The following UQCR11 variants were observed in gnomAD, a reference collection of about 807,000 sequenced individuals.
The protein encoded by UQCR11 is cytochrome b-c1 complex subunit 10.
Under a neutral mutation model 7.6 loss-of-function variants are expected in UQCR11, and 10 were observed. That is an observed-to-expected ratio of 1.31 (90% CI 0.81 to 2.22). The LOEUF (loss-of-function observed/expected upper bound fraction) is 2.22. UQCR11 is among the 30% of genes most tolerant of loss of function. UQCR11 has a pLI of 0.00. For synonymous variants in UQCR11, 34 were observed against 34.9 expected (o/e 0.97, Z 0.09); for missense variants, 86 against 75.1 (o/e 1.15, Z -0.54).
intron 1 of UQCR11, among the ~76,000 whole-genome samples, chr19:1,604,502 C>T (rs2060756015): frequency 6.6e-6 from 1 of 152,090 alleles, no homozygotes; most frequent in African/African-American, 2.4e-5. Context: ...GGAGCCACTG[C>T]ACCCGGCTAA....
rs1465717858 is a variant in UQCR11, at chr19:1,598,025, C to T, written c.*219G>A. ...ACAGTCACAGTAACCAAGCCACCAG[C>T]ATGATCAACATCCGGGCACGGAGCA... On this transcript the variant is annotated 3_prime_UTR_variant, in exon 3 of 3. Coordinates refer to ENST00000591899, the MANE Select transcript of UQCR11 (RefSeq NM_006830.4). 1.3e-5 allele frequency: 2 copies of T among 152,256 alleles called. No individual in the cohort carries two copies. The highest frequency in any genetic ancestry group is 4.8e-5 in the African/African-American group (2 of 41,452). 9.4% of individuals were successfully genotyped at this position (152,256 alleles called of 1,614,324 possible). A position where few individuals can be genotyped will look rare whatever the true frequency, so the allele number is the denominator to read the frequency against.
chr19:1,600,080 T>G (rs2060742852), intron 1 of UQCR11, among the ~76,000 whole-genome samples: 1 of 152,114 alleles, frequency 6.6e-6, no homozygotes, highest in African/African-American at 2.4e-5. Context: ...TCCCCTGAGT[T>G]GCCTGGGCCC....
At chr19:1,601,594 C>A (rs1192155931) in intron 1 of UQCR11, among the ~76,000 whole-genome samples, 2 of 87,946 alleles carry the variant, frequency 2.3e-5, no homozygotes, top group Non-Finnish European at 2.3e-5. Context: ...AGCGAGACAC[C>A]GTCTCAAAAA....
rs1045549827 is a variant in UQCR11, at chr19:1,605,426, C to T, written c.-17G>A. ...GGTCACCATCGCGGCGGAGTCGCAC[C>T]CTCAGGATGACCCTGTCCAGCTGAC... On this transcript the variant is annotated 5_prime_UTR_variant, in exon 1 of 3. Transcript: ENST00000591899. 2 of 1,556,424 alleles carry T rather than the reference C, an allele frequency of 1.3e-6. No individual in the cohort carries two copies. Among genetic ancestry groups the T allele is most frequent in the South Asian group, 1.2e-5 (1 of 84,556 alleles).
rs1474051686 is a variant in UQCR11 at position 1,598,108 on chromosome 19, A to G, written c.*136T>C. On this transcript the variant is annotated 3_prime_UTR_variant, in exon 3 of 3. Coordinates refer to ENST00000591899, the MANE Select transcript of UQCR11 (RefSeq NM_006830.4). ...AAATATCCAAGCTGTTTTCAGAAAC[A>G]TAAGAAGCCTGAAGCTGAGCTGTGG... is the stretch of plus-strand genomic sequence containing the variant. The G allele has an allele frequency of 1.3e-5, 2 of 152,308 alleles. No individual in the cohort carries two copies. Among genetic ancestry groups the G allele is most frequent in the East Asian group, 3.8e-4 (2 of 5,204 alleles). 9.4% of individuals were successfully genotyped at this position (152,308 alleles called of 1,614,324 possible).
rs1359567096 is a variant in UQCR11 at position 1,597,232 on chromosome 19, C to A, written c.*1012G>T. On this transcript the variant is annotated 3_prime_UTR_variant, in exon 3 of 3. Transcript: ENST00000591899. ...TTTTTCTTTTTATCAGAGACAGGGG[C>A]CTCTTTGTTGCCCAGGTTAGTACTG... The A allele has an allele frequency of 6.6e-6, 1 of 151,848 alleles. No homozygotes were observed. Among genetic ancestry groups the A allele is most frequent in the Non-Finnish European group, 1.5e-5 (1 of 67,978 alleles). The allele number at this position is 151,848 out of a possible 1,614,324, so 9.4% of individuals were successfully genotyped here.
At chr19:1,603,538 C>T (rs998477764) in intron 1 of UQCR11, among the ~76,000 whole-genome samples, 1 of 152,050 alleles carries the variant, frequency 6.6e-6, no homozygotes, top group Non-Finnish European at 1.5e-5. Context: ...ACCCGGGAGG[C>T]GGAGCTTGCA....
intron 1 of UQCR11, among the ~76,000 whole-genome samples, chr19:1,599,936 G>T (rs190990349): frequency 1.2e-3 from 184 of 152,378 alleles, no homozygotes; most frequent in African/African-American, 4.1e-3. Flanking sequence ...CGCCATCACA[G>T]TCCCTGTTCC....
chr19:1,603,602 G>A (rs960606696), intron 1 of UQCR11, among the ~76,000 whole-genome samples: 8 of 152,272 alleles, frequency 5.3e-5, no homozygotes, highest in Middle Eastern at 6.8e-3. Flanking sequence ...GCAAGACTCC[G>A]TCTCTAAATA....
intron 1 of UQCR11, among the ~76,000 whole-genome samples, chr19:1,604,208 G>T (rs2060755283): frequency 6.6e-6 from 1 of 152,228 alleles, no homozygotes; most frequent in Non-Finnish European, 1.5e-5. Flanking sequence ...GCCTCCCAAA[G>T]TGTTGGGATT....
chr19:1,603,286 G>A (rs930437081), intron 1 of UQCR11, among the ~76,000 whole-genome samples: 7 of 152,156 alleles, frequency 4.6e-5, no homozygotes, highest in South Asian at 2.1e-4. Flanking sequence ...CTATTGGCGC[G>A]TCCCTAACAC....
chr19:1,605,236 G>T, intron 1 of UQCR11, 124 bp downstream of exon 1: 1 of 1,191,178 alleles, frequency 8.4e-7, no homozygotes, highest in Non-Finnish European at 1.1e-6. Context: ...CTGTCACCGG[G>T]AACAACAAGG....
At chr19:1,598,338 A>T (rs1254926144) in intron 2 of UQCR11, 123 bp from the exon 3 acceptor site, 1 of 152,428 alleles carries the variant, frequency 6.6e-6, no homozygotes, top group Non-Finnish European at 1.5e-5. Context: ...TGAGGTCAGG[A>T]GTTTGAGACC....
intron 1 of UQCR11, chr19:1,601,909 CCCAGCACTT>C (rs2060748314): frequency 6.6e-6 from 1 of 152,208 alleles, no homozygotes; most frequent in Admixed American, 6.5e-5. Context: ...CACCTGTAAT[CCCAGCACTT>C]CCGGAGGCCG....
intron 1 of UQCR11, among the ~76,000 whole-genome samples, chr19:1,600,455 C>T (rs904234581): frequency 3.9e-5 from 6 of 152,076 alleles, no homozygotes; most frequent in Admixed American, 1.3e-4. Flanking sequence ...CCTCGTGATC[C>T]GCCCGCCTCG....
At chr19:1,601,325 G>C (rs1447102099) in intron 1 of UQCR11, among the ~76,000 whole-genome samples, 6 of 152,236 alleles carry the variant, frequency 3.9e-5, no homozygotes, top group East Asian at 1.9e-4. Context: ...AATGAGGGCC[G>C]GGCATGGTGG....
chr19:1,602,873 C>T (rs1283411540), intron 1 of UQCR11, among the ~76,000 whole-genome samples: 1 of 152,206 alleles, frequency 6.6e-6, no homozygotes, highest in Non-Finnish European at 1.5e-5. Flanking sequence ...GTGGGAAGAG[C>T]CCACAAAACC....
At chr19:1,601,840 C>T (rs2060748110) in intron 1 of UQCR11, among the ~76,000 whole-genome samples, 1 of 152,138 alleles carries the variant, frequency 6.6e-6, no homozygotes. Flanking sequence ...GCAGGTCCCA[C>T]TGCTGGCCAA....
chr19:1,603,801 G>A (rs1292567873), intron 1 of UQCR11, among the ~76,000 whole-genome samples: 1 of 152,090 alleles, frequency 6.6e-6, no homozygotes, highest in Non-Finnish European at 1.5e-5. Flanking sequence ...AGTTACCCAC[G>A]CTGTAAAACG....
Sources: gnomAD v4.1 joint callset for allele counts (sites outside exome capture counted in the v4.1 genomes callset) on GRCh38, gnomAD v4.1.1 for gene constraint, MANE v1.5 for transcripts, NCBI Gene and HGNC (gene_info 2026-07-23, HGNC 2026-07-21) for gene names.